Variants in TEX15 observed in about 807,000 individuals in gnomAD.
TEX15 encodes the protein testis expressed 15, meiosis and synapsis associated, also known as testis-expressed protein 15.
In TEX15, 171 loss-of-function variants were observed where a neutral mutation model predicts 237.3. That is an observed-to-expected ratio of 0.72 (90% CI 0.64 to 0.82). The LOEUF is 0.82. Ranked by LOEUF, TEX15 falls within the 40% of genes least tolerant of loss-of-function variation. The pLI is 0.00. For synonymous variants in TEX15, 1,338 were observed against 1,269.8 expected, an observed-to-expected ratio of 1.05 and a Z score of -1.14; for missense variants, 3,750 against 3,646.5, an observed-to-expected ratio of 1.03 and a Z score of -0.73.
chr8:30,853,760 C>T (rs1310600563), intron 7 of TEX15, among the ~76,000 whole-genome samples: 1 of 151,998 alleles, frequency 6.6e-6, no homozygotes, highest in Non-Finnish European at 1.5e-5. Flanking sequence ...AGACTATATG[C>T]TAGGTTATAC....
intron 2 of TEX15, among the ~76,000 whole-genome samples, chr8:30,888,254 A>G (rs1808706040): frequency 1.3e-5 from 2 of 151,696 alleles, no homozygotes; most frequent in African/African-American, 2.4e-5. Flanking sequence ...TTCCCTATAC[A>G]TTTCTGTGAC....
chr8:30,881,610 C>CTTTTT lies in TEX15; in HGVS notation c.136+5552_136+5556dup, dbSNP rs1164594718. 5.1e-3 allele frequency among the ~76,000 whole-genome samples: 554 copies of CTTTTT among 109,244 alleles called. 84 individuals are homozygous for CTTTTT. Among genetic ancestry groups the CTTTTT allele is most frequent in the Admixed American group, 0.013 (140 of 10,844 alleles). The allele number at this position is 109,244 out of a possible 152,430, so 71.7% of individuals were successfully genotyped here. A position where few individuals can be genotyped will look rare whatever the true frequency, so the allele number is the denominator to read the frequency against. On this transcript the variant is annotated intron_variant, in intron 3 of 10. Coordinates refer to ENST00000643185, the MANE Select transcript of TEX15 (RefSeq NM_001350162.2). ...TTCATTAATTATCCTTCCATCTTGA[C>CTTTTT]TTTTTATTTTTTTTTATTATTTTTT...
chr8:30,881,767 G>A (rs780837767), intron 3 of TEX15, among the ~76,000 whole-genome samples: 4 of 151,694 alleles, frequency 2.6e-5, no homozygotes, highest in African/African-American at 7.3e-5. Context: ...GATTACAGGC[G>A]CATACCGCCA....
intron 3 of TEX15, among the ~76,000 whole-genome samples, chr8:30,884,730 A>G (rs61366593): frequency 6.6e-6 from 1 of 151,732 alleles, no homozygotes; most frequent in East Asian, 1.9e-4. Flanking sequence ...TTTCTTAGTT[A>G]TCCTGGCTAG....
rs1321876668 is a variant in TEX15, at chr8:30,847,772, T to A, written c.2395A>T (p.Ile799Leu). ...TGGACACATATATGTTCTCTAGTTA[T>A]GCTGCAATTTGAACTGTCATGAGCT... ...ETAHDSSNCSITREHICVHRK... is the reference protein window; with the variant it reads ...ETAHDSSNCSLTREHICVHRK... The change falls in exon 8 of 11, where the codon ATA (isoleucine) becomes TTA (leucine). Residue 799 changes from isoleucine (I) to leucine (L), a missense_variant. Coordinates refer to ENST00000643185, the MANE Select transcript of TEX15 (RefSeq NM_001350162.2). 1 of 1,613,758 alleles carries A rather than the reference T, an allele frequency of 6.2e-7. No individual in the cohort carries two copies.
intron 3 of TEX15, among the ~76,000 whole-genome samples, chr8:30,884,322 T>G (rs1342767178): frequency 2.6e-5 from 4 of 152,222 alleles, no homozygotes; most frequent in Non-Finnish European, 5.9e-5. Context: ...TTAACTTGTT[T>G]TGGTATTAAA....
chr8:30,905,558 C>A (rs140335373), intron 1 of TEX15, among the ~76,000 whole-genome samples: 1 of 151,834 alleles, frequency 6.6e-6, no homozygotes, highest in Non-Finnish European at 1.5e-5. Context: ...GACTTATTCA[C>A]GCCATGGATA....
Position 30,847,281 on chromosome 8 carries a change from C to T in TEX15, c.2886G>A (p.Glu962=), listed in dbSNP as rs897818262. The T allele has an allele frequency of 6.2e-7, 1 of 1,613,790 alleles. No homozygotes were observed. Among genetic ancestry groups the T allele is most frequent in the African/African-American group, 1.3e-5 (1 of 74,982 alleles). ...KDTENTGRSV[E]HLASTTFPKT... ...TGGGAAATGTCGTGGAAGCCAAATG[C>T]TCTACACTTCTTCCAGTATTTTCAG... Residue 962 remains glutamate, a synonymous_variant, in exon 8 of 11, where the codon GAG becomes GAA. Transcript: ENST00000643185.
chr8:30,854,704 C>A (rs1161169938), intron 7 of TEX15, among the ~76,000 whole-genome samples: 1 of 151,992 alleles, frequency 6.6e-6, no homozygotes, highest in Non-Finnish European at 1.5e-5. Flanking sequence ...AATCGACAGA[C>A]CAGTATCTCT....
Position 30,842,076 on chromosome 8 carries a change from G to A in TEX15, c.8091C>T (p.Ser2697=), listed in dbSNP as rs1455345152. ...GAGAGTCTTCACATTTGTCTACAGT[G>A]CTCGGTCGTTTTTTAGAGGAATTTG... ...NISNSSKKRP[S]TVDKCEDSQE... The change falls in exon 8 of 11, where the codon AGC becomes AGT. Residue 2697 remains serine (S), a synonymous_variant. Coordinates refer to ENST00000643185, the MANE Select transcript of TEX15 (RefSeq NM_001350162.2). The A allele has an allele frequency of 6.2e-7, 1 of 1,613,600 alleles. No individual in the cohort carries two copies. The highest frequency in any genetic ancestry group is 1.1e-5 in the South Asian group (1 of 90,964).
chr8:30,881,261 T>C (rs1038287710), intron 3 of TEX15, among the ~76,000 whole-genome samples: 3 of 152,172 alleles, frequency 2.0e-5, no homozygotes, highest in Non-Finnish European at 2.9e-5. Context: ...TCTCATATTA[T>C]TATTCTCTCA....
intron 5 of TEX15, 145 bp downstream of exon 5, chr8:30,867,120 G>A (rs1808189446): frequency 3.5e-6 from 1 of 288,102 alleles, no homozygotes; most frequent in Non-Finnish European, 6.2e-6. Flanking sequence ...TTTGAATAAT[G>A]ATGACAAAAA....
intron 2 of TEX15, among the ~76,000 whole-genome samples, chr8:30,889,161 C>G (rs1168056359): frequency 6.6e-6 from 1 of 152,196 alleles, no homozygotes; most frequent in Non-Finnish European, 1.5e-5. Context: ...ATCCTCAAAG[C>G]ACAATCCTCA....
rs1449591040 is a variant in TEX15, at chr8:30,887,876, CACATATATATTTCATATATAT to C, written c.-9-586_-9-566del. ...ATATATATTTCGCACATATATATTTCACATATATATTTCATATATATATATATATATATATATATATATATA... is the reference window on the plus strand; with the variant it reads ...ATATATATTTCGCACATATATATTTCATATATATATATATATATATATATA... On this transcript the variant is annotated intron_variant, in intron 2 of 10. Coordinates refer to ENST00000643185, the MANE Select transcript of TEX15 (RefSeq NM_001350162.2). 2.9e-3 allele frequency: 385 copies of C among 133,126 alleles called. 4 individuals carry two copies. Among genetic ancestry groups the C allele is most frequent in the African/African-American group, 9.7e-3 (365 of 37,510 alleles). 8.2% of individuals were successfully genotyped at this position (133,126 alleles called of 1,614,324 possible).
chr8:30,878,767 C>T (rs1808457782), intron 3 of TEX15, among the ~76,000 whole-genome samples: 1 of 152,150 alleles, frequency 6.6e-6, no homozygotes, highest in African/African-American at 2.4e-5. Flanking sequence ...TCCAGCAATC[C>T]TCCTGCTTTG....
At chr8:30,858,146 T>C (rs1327635352) in intron 7 of TEX15, among the ~76,000 whole-genome samples, 3 of 152,168 alleles carry the variant, frequency 2.0e-5, no homozygotes, top group African/African-American at 7.2e-5. Context: ...ACTCTTTCCA[T>C]TTATCCAAGA....
chr8:30,860,836 C>T (rs1808035175), intron 5 of TEX15, among the ~76,000 whole-genome samples: 1 of 151,846 alleles, frequency 6.6e-6, no homozygotes, highest in Non-Finnish European at 1.5e-5. Context: ...CAGGCGTGAG[C>T]CACCGCGCCC....
rs951330427 is a variant in TEX15, at chr8:30,895,390, C to G, written c.-10+3352G>C. 2.0e-5 allele frequency among the ~76,000 whole-genome samples: 3 copies of G among 149,114 alleles called. No individual in the cohort carries two copies. The South Asian group carries it at 6.5e-4, about 32-fold the overall frequency. ...AGGGGTAAAGTTAAATAATACATTG[C>G]TTTTCATGGACTAGAAGTTTGAAAC... On this transcript the variant is annotated intron_variant, in intron 2 of 10. Coordinates refer to ENST00000643185, the MANE Select transcript of TEX15 (RefSeq NM_001350162.2).
rs1169843655 is a variant in TEX15, at chr8:30,848,754, C to A, written c.1413G>T (p.Ser471=). The change falls in exon 8 of 11, where the codon TCG becomes TCT. Residue 471 remains serine, a synonymous_variant. Coordinates refer to ENST00000643185, the MANE Select transcript of TEX15 (RefSeq NM_001350162.2). ...AGGAGGAGGCAGAATTAGATGGTGTCGATTTTATTTCTGAATTAACATTAT... is the reference window on the plus strand; with the variant it reads ...AGGAGGAGGCAGAATTAGATGGTGTAGATTTTATTTCTGAATTAACATTAT... The part of the protein sequence containing the change: ...SSDNVNSEIK[S]TPSNSASSSE... 1.9e-6 allele frequency: 3 copies of A among 1,613,984 alleles called. No homozygotes were observed. Among genetic ancestry groups the A allele is most frequent in the Non-Finnish European group, 2.5e-6 (3 of 1,180,028 alleles).
Sources: gnomAD v4.1 joint callset for allele counts (sites outside exome capture counted in the v4.1 genomes callset) on GRCh38, gnomAD v4.1.1 for gene constraint, MANE v1.5 for transcripts, NCBI Gene and HGNC (gene_info 2026-07-23, HGNC 2026-07-21) for gene names.